ROBO2: variants seen among roughly 807,000 people sequenced by gnomAD.
ROBO2 encodes roundabout guidance receptor 2, also known as roundabout homolog 2.
In ROBO2, 53 loss-of-function variants were observed where a neutral mutation model predicts 160.8. That is an observed-to-expected ratio of 0.33 (90% CI 0.26 to 0.41). ROBO2 has a LOEUF of 0.41. Ranked by LOEUF, ROBO2 falls within the 10% of genes least tolerant of loss-of-function variation. ROBO2 has a pLI of 1.00. For synonymous variants in ROBO2, 664 were observed against 611.7 expected (o/e 1.09, Z -1.26); for missense variants, 1,577 against 1,722.4 (o/e 0.92, Z 1.49).
chr3:77,618,938 GT>G (rs2094841367), intron 22 of ROBO2, among the ~76,000 whole-genome samples: 1 of 152,136 alleles, frequency 6.6e-6, no homozygotes, highest in South Asian at 2.1e-4. Flanking sequence ...CTTCCTTCAC[GT>G]TAACTAATGA....
chr3:76,086,072 G>T (rs2069002501), intron 2 of ROBO2, among the ~76,000 whole-genome samples: 1 of 152,146 alleles, frequency 6.6e-6, no homozygotes, highest in Non-Finnish European at 1.5e-5. Flanking sequence ...GTATTAGTCT[G>T]ATCTCACGCA....
At chr3:76,399,541 C>T (rs1264586294) in intron 2 of ROBO2, among the ~76,000 whole-genome samples, 3 of 151,644 alleles carry the variant, frequency 2.0e-5, no homozygotes, top group African/African-American at 7.3e-5. Flanking sequence ...TGAAACACCC[C>T]TGAGGTTTCT....
At chr3:77,458,688 A>C (rs2081944203) in intron 2 of ROBO2, among the ~76,000 whole-genome samples, 2 of 152,158 alleles carry the variant, frequency 1.3e-5, no homozygotes, top group African/African-American at 4.8e-5. Flanking sequence ...TTTTGAATTA[A>C]AAATAGATTT....
chr3:75,998,644 T>C (rs546863120), intron 2 of ROBO2, among the ~76,000 whole-genome samples: 29 of 152,334 alleles, frequency 1.9e-4, no homozygotes, highest in Non-Finnish European at 4.0e-4. Context: ...TTTCAAACAA[T>C]GTCAGTTTCT....
chr3:76,307,693 C>A (rs1418242018), intron 2 of ROBO2, among the ~76,000 whole-genome samples: 1 of 152,042 alleles, frequency 6.6e-6, no homozygotes, highest in Non-Finnish European at 1.5e-5. Flanking sequence ...AGAAGAATAA[C>A]AAAAACTGGG....
chr3:77,067,491 GTC>G (rs2066980308), intron 1 of ROBO2, among the ~76,000 whole-genome samples: 1 of 152,194 alleles, frequency 6.6e-6, no homozygotes, highest in Non-Finnish European at 1.5e-5. Flanking sequence ...TCATATATGT[GTC>G]TCTAAAATAA....
At chr3:76,417,683 G>T (rs2075810919) in intron 2 of ROBO2, among the ~76,000 whole-genome samples, 1 of 151,894 alleles carries the variant, frequency 6.6e-6, no homozygotes, top group South Asian at 2.1e-4. Context: ...ATAGGCAATA[G>T]AATTTCCAAA....
intron 2 of ROBO2, among the ~76,000 whole-genome samples, chr3:77,152,574 T>G (rs2077639566): frequency 6.6e-6 from 1 of 152,198 alleles, no homozygotes; most frequent in Admixed American, 6.5e-5. Flanking sequence ...ACATCACCTG[T>G]GAGTATGTTC....
At chr3:77,074,211 G>A (rs1179584371) in intron 1 of ROBO2, among the ~76,000 whole-genome samples, 1 of 152,136 alleles carries the variant, frequency 6.6e-6, no homozygotes, top group African/African-American at 2.4e-5. Context: ...AAATGTTAGT[G>A]GGTGAGGTAA....
rs141543580 is a variant in ROBO2, at chr3:75,990,659, G to A, written c.109+53057G>A. Among the ~76,000 whole-genome samples the A allele has an allele frequency of 5.2e-4, 79 of 152,198 alleles. No homozygotes were observed. The South Asian group carries it at 6.9e-3, about 13-fold the overall frequency. Reference sequence around the variant, plus strand: ...AGAATAACACTCAGCTAGAATTACCGCCATTGGAAGGTAAGGTAAGAGTTG... The same window carrying A: ...AGAATAACACTCAGCTAGAATTACCACCATTGGAAGGTAAGGTAAGAGTTG... On this transcript the variant is annotated intron_variant, in intron 2 of 26. Transcript: ENST00000487694.
chr3:77,338,822 G>T (rs1227356488), intron 2 of ROBO2, among the ~76,000 whole-genome samples: 1 of 152,032 alleles, frequency 6.6e-6, no homozygotes, highest in Non-Finnish European at 1.5e-5. Flanking sequence ...TTTTTCTATT[G>T]AGTAAATTAT....
At chr3:77,066,209 G>A (rs2066823843) in intron 1 of ROBO2, among the ~76,000 whole-genome samples, 1 of 151,834 alleles carries the variant, frequency 6.6e-6, no homozygotes, top group African/African-American at 2.4e-5. Context: ...ATTTTGAAGA[G>A]GCCACTTCCT....
Position 77,040,657 on chromosome 3 carries a change from TCTTGA to T in ROBO2, c.-125_-121del, listed in dbSNP as rs2063991946. ...CCCTTCTGATCTTGCGATTTGCTCT[TCTTGA>T]CTTTAATTAGTATCTAGGAAAGTCT... On this transcript the variant is annotated 5_prime_UTR_variant, in exon 1 of 26. An upstream open reading frame in the 5' UTR gains an earlier in-frame stop. Transcript: ENST00000461745. 5 of 1,571,274 alleles carry T rather than the reference TCTTGA, an allele frequency of 3.2e-6. No individual in the cohort carries two copies. Among genetic ancestry groups the T allele is most frequent in the African/African-American group, 1.4e-5 (1 of 73,430 alleles).
At chr3:75,941,518 C>T (rs529810636) in intron 2 of ROBO2, among the ~76,000 whole-genome samples, 47 of 152,202 alleles carry the variant, frequency 3.1e-4, no homozygotes, top group African/African-American at 9.9e-4. Context: ...TTGGTTTCCA[C>T]GATGAATTTA....
intron 2 of ROBO2, among the ~76,000 whole-genome samples, chr3:76,966,170 C>T (rs1458007511): frequency 6.6e-6 from 1 of 152,062 alleles, no homozygotes; most frequent in Non-Finnish European, 1.5e-5. Flanking sequence ...GATACACCCA[C>T]CTCGGCCTCC....
exon 2 of ROBO2, chr3:77,098,081 T>C (rs1351044749): frequency 1.2e-6 from 2 of 1,606,774 alleles, no homozygotes; most frequent in East Asian, 2.2e-5. Context: ...TCATCGTCTC[T>C]AAGGGCGAGC....
intron 2 of ROBO2, among the ~76,000 whole-genome samples, chr3:76,761,396 G>A (rs2061299776): frequency 6.6e-6 from 1 of 151,666 alleles, no homozygotes; most frequent in Admixed American, 6.6e-5. Context: ...GAGAGTCCCA[G>A]TTTAAGTGAG....
At chr3:77,459,782 AAG>A (rs1373327708) in intron 2 of ROBO2, among the ~76,000 whole-genome samples, 1 of 152,072 alleles carries the variant, frequency 6.6e-6, no homozygotes, top group Non-Finnish European at 1.5e-5. Flanking sequence ...AACAAGACCC[AAG>A]GAAGTAACTG....
chr3:77,452,518 G>C (rs1017919619), intron 2 of ROBO2, among the ~76,000 whole-genome samples: 2 of 152,074 alleles, frequency 1.3e-5, no homozygotes, highest in Non-Finnish European at 2.9e-5. Context: ...TGCTATCACT[G>C]GAAGTGGACA....
Sources: gnomAD v4.1 joint callset for allele counts (sites outside exome capture counted in the v4.1 genomes callset) on GRCh38, gnomAD v4.1.1 for gene constraint, MANE v1.5 for transcripts, NCBI Gene and HGNC (gene_info 2026-07-23, HGNC 2026-07-21) for gene names.